The following BCAS2 variants were observed in gnomAD, a reference collection of about 807,000 sequenced individuals.
BCAS2 encodes pre-mRNA-splicing factor SPF27.
BCAS2 carries 34 observed loss-of-function variants against 35.3 expected under a neutral mutation model. That is an observed-to-expected ratio of 0.96 (90% CI 0.73 to 1.28). The LOEUF is 1.28. Ranked by LOEUF, BCAS2 falls within the 50% of genes most tolerant of loss-of-function variation. The pLI is 0.00. For missense variants in BCAS2, 221 were observed against 268.1 expected (o/e 0.82, Z 1.23); for synonymous variants, 75 against 91.6 (o/e 0.82, Z 1.03).
At chr1:114,570,655 A>C (rs1654620863) in intron 5 of BCAS2, 45 bp downstream of exon 5, 1 of 1,296,578 alleles carries the variant, frequency 7.7e-7, no homozygotes, top group Non-Finnish European at 1.1e-6. Flanking sequence ...CTATTTATTA[A>C]AGGTTCACTT....
Position 114,568,095 on chromosome 1 carries a change from A to G in BCAS2, c.*35T>C. 3 of 1,610,928 alleles carry G rather than the reference A, an allele frequency of 1.9e-6. No individual in the cohort carries two copies. In the South Asian group the frequency reaches 3.3e-5, roughly 18 times the overall value. On this transcript the variant is annotated 3_prime_UTR_variant, in exon 7 of 7. Coordinates refer to ENST00000369541, the MANE Select transcript of BCAS2 (RefSeq NM_005872.3). ...TAAAAGTTCAGATGCCTTTTGTGAA[A>G]GCCCAACTTTTCTTCTACCTGCTAA...
intron 2 of BCAS2, among the ~76,000 whole-genome samples, chr1:114,578,124 A>G (rs1654811566): frequency 2.0e-5 from 3 of 152,202 alleles, no homozygotes; most frequent in Non-Finnish European, 4.4e-5. Flanking sequence ...TGGGAGGTGG[A>G]GGTTGCAGTG....
chr1:114,569,349 A>G (rs995938791), intron 6 of BCAS2, among the ~76,000 whole-genome samples: 8 of 152,104 alleles, frequency 5.3e-5, no homozygotes, highest in African/African-American at 1.9e-4. Context: ...AGCAAAAAGG[A>G]AGAGAGAAAT....
In BCAS2 at chr1:114,568,105, T is replaced by G; in HGVS notation, c.*25A>C. On this transcript the variant is annotated 3_prime_UTR_variant, in exon 7 of 7. Transcript: ENST00000369541. Reference sequence around the variant, plus strand: ...GATGCCTTTTGTGAAAGCCCAACTTTTCTTCTACCTGCTAAATTGTCTTTT... The same window carrying G: ...GATGCCTTTTGTGAAAGCCCAACTTGTCTTCTACCTGCTAAATTGTCTTTT... The G allele has an allele frequency of 6.2e-7, 1 of 1,611,426 alleles. No individual in the cohort carries two copies. Among genetic ancestry groups the G allele is most frequent in the Non-Finnish European group, 8.5e-7 (1 of 1,179,726 alleles).
chr1:114,581,317 C>A lies in BCAS2; in HGVS notation c.168G>T (p.Pro56=). The change falls in exon 2 of 7, where the codon CCG becomes CCT. Residue 56 remains proline, a synonymous_variant. Transcript: ENST00000369541. ...TKNYLSYLTA[P]DYSAFETDIM... Reference sequence around the variant, plus strand: ...TACTTACTTCAAAGGCAGAATAATCCGGGGCTGTCAGGTAGCTCAGGTAGT... The same window carrying A: ...TACTTACTTCAAAGGCAGAATAATCAGGGGCTGTCAGGTAGCTCAGGTAGT... 1.9e-6 allele frequency: 3 copies of A among 1,614,164 alleles called. No individual in the cohort carries two copies. The highest frequency in any genetic ancestry group is 2.5e-6 in the Non-Finnish European group (3 of 1,180,030).
chr1:114,568,269 GGAA>G lies in BCAS2; in HGVS notation c.552-16_552-14del, dbSNP rs1464727061. 5 of 1,602,688 alleles carry G rather than the reference GGAA, an allele frequency of 3.1e-6. No homozygotes were observed. Among genetic ancestry groups the G allele is most frequent in the African/African-American group, 1.4e-5 (1 of 73,980 alleles). On this transcript the variant is annotated splice_polypyrimidine_tract_variant and intron_variant, in intron 6 of 6. Transcript: ENST00000369541. The stretch of plus-strand genomic sequence containing the variant: ...CAGGGATACCCAACTAGAATGGGGG[GGAA>G]GAAAAGAAAAAAATTACTCAATGTA...
intron 4 of BCAS2, among the ~76,000 whole-genome samples, chr1:114,574,609 T>C (rs1654716492): frequency 6.6e-6 from 1 of 152,222 alleles, no homozygotes; most frequent in African/African-American, 2.4e-5. Flanking sequence ...AACCCATGAC[T>C]AATGAGAATC....
chr1:114,574,467 T>C (rs570583278), intron 4 of BCAS2, among the ~76,000 whole-genome samples: 3 of 152,292 alleles, frequency 2.0e-5, no homozygotes, highest in South Asian at 4.1e-4. Flanking sequence ...CCAGGATGAG[T>C]TTATTTTAGG....
intron 4 of BCAS2, among the ~76,000 whole-genome samples, chr1:114,573,394 A>G (rs749350468): frequency 5.1e-4 from 77 of 150,602 alleles, no homozygotes; most frequent in Non-Finnish European, 9.3e-4. Context: ...ATACCTGGCT[A>G]TTTTTTTTAT....
chr1:114,573,574 T>C (rs923494878), intron 4 of BCAS2, among the ~76,000 whole-genome samples: 4 of 152,324 alleles, frequency 2.6e-5, no homozygotes, highest in African/African-American at 9.6e-5. Context: ...CAGCACACAA[T>C]GTAGCACTTG....
chr1:114,568,755 CTTTTTTTTTTTTTT>C (rs67319421), intron 6 of BCAS2, among the ~76,000 whole-genome samples: 2 of 83,232 alleles, frequency 2.4e-5, no homozygotes, highest in Non-Finnish European at 4.8e-5. Flanking sequence ...TCTCTGTATT[CTTTTTTTTTTTTTT>C]TTTTTTTTTT....
intron 2 of BCAS2, among the ~76,000 whole-genome samples, chr1:114,579,764 G>C (rs1399481563): frequency 6.6e-6 from 1 of 152,098 alleles, no homozygotes; most frequent in Admixed American, 6.5e-5. Flanking sequence ...TACTCGGGAG[G>C]CTGAGGCAGG....
rs556776639 is a variant in BCAS2 at position 114,576,761 on chromosome 1, G to A, written c.187-3C>T. ...AATTCATTTCTCATTATGTCAGTCT[G>A]ATGTGTAAATCAGAAAAAAGATTTC... On this transcript the variant is annotated splice_region_variant and splice_polypyrimidine_tract_variant and intron_variant, in intron 2 of 6. Transcript: ENST00000369541. 1.9e-6 allele frequency: 3 copies of A among 1,605,608 alleles called. No homozygotes were observed. Among genetic ancestry groups the A allele is most frequent in the South Asian group, 2.2e-5 (2 of 90,408 alleles).
chr1:114,567,790 T>C lies in BCAS2; in HGVS notation c.*340A>G, dbSNP rs74901812. 5.5e-6 allele frequency: 1 copy of C among 182,706 alleles called. No homozygotes were observed. The highest frequency in any genetic ancestry group is 1.4e-4 in the East Asian group (1 of 7,320). 11.3% of individuals were successfully genotyped at this position (182,706 alleles called of 1,614,324 possible). A position where few individuals can be genotyped will look rare whatever the true frequency, so the allele number is the denominator to read the frequency against. On this transcript the variant is annotated 3_prime_UTR_variant, in exon 7 of 7. Transcript: ENST00000369541. The stretch of plus-strand genomic sequence containing the variant: ...AAGTCATAAACCAAAAATTTCCAAC[T>C]TCCTGTACATGTTGAAAGCTTTAAA...
chr1:114,576,009 T>C (rs1482850896), intron 3 of BCAS2, among the ~76,000 whole-genome samples: 1 of 152,170 alleles, frequency 6.6e-6, no homozygotes, highest in Non-Finnish European at 1.5e-5. Context: ...ACATTAGCTA[T>C]TAAATGTTAC....
intron 2 of BCAS2, among the ~76,000 whole-genome samples, chr1:114,577,852 A>G (rs566364946): frequency 1.3e-5 from 2 of 152,342 alleles, no homozygotes; most frequent in East Asian, 3.9e-4. Context: ...TAACAATTAG[A>G]CTAAATAAGT....
intron 6 of BCAS2, among the ~76,000 whole-genome samples, chr1:114,568,755 C>CTTT (rs67319421): frequency 2.8e-4 from 23 of 83,218 alleles, no homozygotes; most frequent in African/African-American, 4.1e-4. Flanking sequence ...TCTCTGTATT[C>CTTT]TTTTTTTTTT....
intron 4 of BCAS2, among the ~76,000 whole-genome samples, chr1:114,573,930 T>C (rs1403915236): frequency 6.6e-6 from 1 of 152,206 alleles, no homozygotes; most frequent in Non-Finnish European, 1.5e-5. Flanking sequence ...TTTATATAGC[T>C]ATGTTTCAGG....
rs538862351 is a variant in BCAS2 at position 114,571,024 on chromosome 1, G to T, written c.420-274C>A. On this transcript the variant is annotated intron_variant, in intron 4 of 6. Coordinates refer to ENST00000369541, the MANE Select transcript of BCAS2 (RefSeq NM_005872.3). ...CCACCTTGGCCTCCCAAACTGCTGGGATTACCATGCCCTGCCTGATCTTGG... is the reference window on the plus strand; with the variant it reads ...CCACCTTGGCCTCCCAAACTGCTGGTATTACCATGCCCTGCCTGATCTTGG... Among the ~76,000 whole-genome samples, 4 of 151,254 alleles carry T rather than the reference G, an allele frequency of 2.6e-5. No individual in the cohort carries two copies. The East Asian group carries it at 7.8e-4, about 29-fold the overall frequency.
Sources: gnomAD v4.1 joint callset for allele counts (sites outside exome capture counted in the v4.1 genomes callset) on GRCh38, gnomAD v4.1.1 for gene constraint, MANE v1.5 for transcripts, NCBI Gene and HGNC (gene_info 2026-07-23, HGNC 2026-07-21) for gene names.